Variants in NECTIN1 observed in about 807,000 individuals in gnomAD.
NECTIN1 encodes nectin cell adhesion molecule 1, also known as nectin-1.
A neutral mutation model predicts 48.0 loss-of-function variants in NECTIN1; 23 were observed. That is an observed-to-expected ratio of 0.48 (90% CI 0.34 to 0.68). The LOEUF is 0.68. NECTIN1 is among the 30% of genes least tolerant of loss of function. NECTIN1 has a pLI of 0.01. For synonymous variants in NECTIN1, 270 were observed against 288.9 expected, an observed-to-expected ratio of 0.93 and a Z score of 0.66; for missense variants, 591 against 709.9, an observed-to-expected ratio of 0.83 and a Z score of 1.90.
intron 5 of NECTIN1, chr11:119,674,516 G>T: frequency 6.2e-7 from 1 of 1,608,414 alleles, no homozygotes; most frequent in East Asian, 2.3e-5. Context: ...ACAGATGGTG[G>T]GGGGGGCCCT....
At chr11:119,692,280 C>T (rs756116587) in intron 1 of NECTIN1, among the ~76,000 whole-genome samples, 5 of 152,376 alleles carry the variant, frequency 3.3e-5, no homozygotes, top group East Asian at 1.9e-4. Context: ...GCTCGGGGCT[C>T]GCGCCCAGCT....
rs1474109400 is a variant in NECTIN1 at position 119,684,788 on chromosome 11, C to T, written c.80-6023G>A. Among the ~76,000 whole-genome samples, 1 of 152,204 alleles carries T rather than the reference C, an allele frequency of 6.6e-6. No individual in the cohort carries two copies. The highest frequency in any genetic ancestry group is 2.4e-5 in the African/African-American group (1 of 41,452). The stretch of plus-strand genomic sequence containing the variant: ...TGCAATCAGGACACCCACTTCCTTT[C>T]TGGGGTCCCCTCCTTTCACAGGTTT... On this transcript the variant is annotated intron_variant, in intron 1 of 5. Transcript: ENST00000264025. The surrounding 1 kb of genome is among the most constrained non-coding windows in gnomAD (Gnocchi z 5.2).
At chr11:119,656,065 T>G (rs532137137), downstream of NECTIN1, among the ~76,000 whole-genome samples, 1 of 151,598 alleles carries the variant, frequency 6.6e-6, no homozygotes, top group South Asian at 2.1e-4. Flanking sequence ...TGGATAATTT[T>G]TTCATTCTTT....
At chr11:119,643,588 C>A (rs1485165802) in intron 5 of NECTIN1, among the ~76,000 whole-genome samples, 1 of 152,240 alleles carries the variant, frequency 6.6e-6, no homozygotes, top group South Asian at 2.1e-4. Flanking sequence ...CTGCCTACCC[C>A]CTCCCTGAAT....
chr11:119,717,215 C>A (rs1865756998), intron 1 of NECTIN1, among the ~76,000 whole-genome samples: 1 of 152,236 alleles, frequency 6.6e-6, no homozygotes, highest in Non-Finnish European at 1.5e-5. Flanking sequence ...GGCCCATCAT[C>A]TGACCCCTGG....
At chr11:119,691,944 C>T (rs746954300) in intron 1 of NECTIN1, among the ~76,000 whole-genome samples, 1 of 152,156 alleles carries the variant, frequency 6.6e-6, no homozygotes, top group African/African-American at 2.4e-5. Flanking sequence ...CCTCCTCTGC[C>T]GCGGCCTGTC....
At chr11:119,688,023 G>T (rs1452398173) in intron 1 of NECTIN1, among the ~76,000 whole-genome samples, 1 of 152,146 alleles carries the variant, frequency 6.6e-6, no homozygotes, top group Non-Finnish European at 1.5e-5. Flanking sequence ...AGAGGAACAT[G>T]GCAGCGGGGG....
rs1293179078 is a variant in NECTIN1 at position 119,673,945 on chromosome 11, A to T, written c.1003+1214T>A. 2.6e-5 allele frequency among the ~76,000 whole-genome samples: 4 copies of T among 152,196 alleles called. No homozygotes were observed. On this transcript the variant is annotated intron_variant, in intron 5 of 5. Transcript: ENST00000264025. The surrounding 1 kb of genome is among the most constrained non-coding windows in gnomAD (Gnocchi z 5.8). Reference sequence around the variant, plus strand: ...GCCAAGGCCAGGGATTGCAGACAACAGCAGGTGGCTCCACACTCCCGCCCC... The same window carrying T: ...GCCAAGGCCAGGGATTGCAGACAACTGCAGGTGGCTCCACACTCCCGCCCC...
chr11:119,682,990 T>C (rs766163484), intron 1 of NECTIN1, among the ~76,000 whole-genome samples: 8 of 152,196 alleles, frequency 5.3e-5, no homozygotes, highest in Non-Finnish European at 7.3e-5. Flanking sequence ...CTTCCTGGCA[T>C]ATGTGTCTAG....
intron 5 of NECTIN1, among the ~76,000 whole-genome samples, chr11:119,648,128 G>C (rs1431318623): frequency 2.1e-5 from 3 of 144,166 alleles, no homozygotes; most frequent in Non-Finnish European, 4.5e-5. Flanking sequence ...AAGCACGTGA[G>C]AGCCTGGCAC....
intron 5 of NECTIN1, among the ~76,000 whole-genome samples, chr11:119,648,243 GGTGGTGATAGAGGTGGTAATA>G (rs1864425790): frequency 8.9e-6 from 1 of 111,892 alleles, no homozygotes; most frequent in Non-Finnish European, 1.9e-5. Flanking sequence ...TGGTGATAGT[GGTGGTGATAGAGGTGGTAATA>G]GTGGTGGTGG....
intron 5 of NECTIN1, among the ~76,000 whole-genome samples, chr11:119,653,184 G>T (rs1394764098): frequency 6.6e-6 from 1 of 151,976 alleles, no homozygotes; most frequent in Non-Finnish European, 1.5e-5. Context: ...TAAGATCTAC[G>T]CACTTCACAG....
In NECTIN1 at chr11:119,722,566, C is replaced by T. The variant is rs1020081412; in HGVS notation, c.79+5909G>A. On this transcript the variant is annotated intron_variant, in intron 1 of 5. Transcript: ENST00000264025. ...CACAGCCAGGGAGCGAGGCAGGTGC[C>T]GGGAGAGCCCTCAGTGACAGGCGGC... Among the ~76,000 whole-genome samples, 7 of 152,334 alleles carry T rather than the reference C, an allele frequency of 4.6e-5. No individual in the cohort carries two copies. The East Asian group carries it at 9.6e-4, about 21-fold the overall frequency.
chr11:119,704,057 A>T (rs1865502215), intron 1 of NECTIN1, among the ~76,000 whole-genome samples: 1 of 152,158 alleles, frequency 6.6e-6, no homozygotes, highest in Non-Finnish European at 1.5e-5. Context: ...AGCTTTACCC[A>T]GGAACACGGT....
intron 1 of NECTIN1, among the ~76,000 whole-genome samples, chr11:119,682,987 G>A (rs1865086633): frequency 6.6e-6 from 1 of 152,084 alleles, no homozygotes; most frequent in Admixed American, 6.5e-5. Context: ...CTACTTCCTG[G>A]CATATGTGTC....
chr11:119,642,580 T>G (rs1326246221), intron 5 of NECTIN1: 1 of 153,600 alleles, frequency 6.5e-6, no homozygotes, highest in East Asian at 1.9e-4. Context: ...CAAGAGAGGG[T>G]GGCAGCTGTC....
intron 5 of NECTIN1, among the ~76,000 whole-genome samples, chr11:119,651,156 G>A (rs961150256): frequency 6.6e-6 from 1 of 152,198 alleles, no homozygotes; most frequent in Non-Finnish European, 1.5e-5. Context: ...TGACCTCTGG[G>A]AGGTAACAGC....
rs1865973154 is a variant in NECTIN1 at position 119,729,199 on chromosome 11, T to A, written c.-646A>T. The A allele has an allele frequency of 6.6e-6, 1 of 152,102 alleles. No homozygotes were observed. 9.4% of individuals were successfully genotyped at this position (152,102 alleles called of 1,614,324 possible). A position where few individuals can be genotyped will look rare whatever the true frequency, so the allele number is the denominator to read the frequency against. On this transcript the variant is annotated 5_prime_UTR_variant, in exon 1 of 6. Transcript: ENST00000264025. The stretch of plus-strand genomic sequence containing the variant: ...GCCGCGCTCGCTGCTCTCGCTCTCT[T>A]TCTCTCACTCGCCGAGCTCCAGCCT...
chr11:119,728,007 A>G (rs1591494387), intron 1 of NECTIN1, among the ~76,000 whole-genome samples: 1 of 152,104 alleles, frequency 6.6e-6, no homozygotes, highest in African/African-American at 2.4e-5. Context: ...GCCGTCTGGC[A>G]AAGGGGCCGC....
Sources: allele counts gnomAD v4.1 joint callset (sites outside exome capture counted in the v4.1 genomes callset), GRCh38; gene constraint gnomAD v4.1.1; non-coding constraint Gnocchi (gnomAD v3.1); transcripts MANE v1.5; gene names NCBI Gene and HGNC (gene_info 2026-07-23, HGNC 2026-07-21).